ATG10: variants seen among roughly 807,000 people sequenced by gnomAD.
The protein encoded by ATG10 is ubiquitin-like-conjugating enzyme ATG10.
A neutral mutation model predicts 32.1 loss-of-function variants in ATG10; 30 were observed. The ratio of observed to expected loss-of-function variants is 0.94; its 90% CI spans 0.70 to 1.27. ATG10 has a LOEUF of 1.27. Among genes scored for constraint, ATG10 ranks in the 50% most tolerant of loss-of-function variants. The pLI, the probability that ATG10 is intolerant of heterozygous loss-of-function variation, is 0.00. For missense variants in ATG10, 233 were observed against 262.3 expected (o/e 0.89, Z 0.77); for synonymous variants, 87 against 91.5 (o/e 0.95, Z 0.28).
chr5:82,029,051 A>G (rs1035480038), intron 2 of ATG10, among the ~76,000 whole-genome samples: 16 of 152,356 alleles, frequency 1.1e-4, no homozygotes, highest in African/African-American at 3.1e-4. Flanking sequence ...TATGATTTCA[A>G]TTGTATTCAC....
chr5:82,184,114 C>G (rs1002283174), intron 5 of ATG10, among the ~76,000 whole-genome samples: 4 of 152,074 alleles, frequency 2.6e-5, no homozygotes, highest in African/African-American at 7.2e-5. Context: ...ATGGTAGTGC[C>G]TTTATCTAGG....
intron 2 of ATG10, among the ~76,000 whole-genome samples, chr5:82,023,707 C>G (rs1254700703): frequency 1.3e-5 from 2 of 152,078 alleles, no homozygotes; most frequent in East Asian, 1.9e-4. Context: ...CTAATAAAAC[C>G]CAGTTTTGCT....
At chr5:82,041,694 G>C (rs1209565327) in intron 2 of ATG10, among the ~76,000 whole-genome samples, 1 of 152,046 alleles carries the variant, frequency 6.6e-6, no homozygotes, top group Non-Finnish European at 1.5e-5. Context: ...AGAAATCTTT[G>C]ATGTGCTTAA....
At chr5:82,195,221 A>G (rs1744807723) in intron 5 of ATG10, among the ~76,000 whole-genome samples, 1 of 152,150 alleles carries the variant, frequency 6.6e-6, no homozygotes, top group Non-Finnish European at 1.5e-5. Context: ...TACTTGAAAA[A>G]AATTCCTCCT....
At chr5:82,106,496 A>T (rs1462413083) in intron 3 of ATG10, among the ~76,000 whole-genome samples, 1 of 152,014 alleles carries the variant, frequency 6.6e-6, no homozygotes, top group Non-Finnish European at 1.5e-5. Flanking sequence ...TGCCTTTTCC[A>T]CTTGCCTGTG....
At chr5:82,054,253 GT>G (rs371764043) in intron 2 of ATG10, among the ~76,000 whole-genome samples, 78 of 152,288 alleles carry the variant, frequency 5.1e-4, no homozygotes, top group African/African-American at 1.9e-3. Context: ...AATGTAGTCA[GT>G]TTGCTGTCTC....
rs1765324681 is a variant in ATG10, at chr5:82,102,823, C to T, written c.216+44221C>T. 2.6e-5 allele frequency among the ~76,000 whole-genome samples: 4 copies of T among 151,854 alleles called. No individual in the cohort carries two copies. The South Asian group carries it at 8.3e-4, about 32-fold the overall frequency. ...GCTTTGTGTAAACCACTGTTGGATC[C>T]TAGCTGGTTAATCCTCCTCTTCATT... is the stretch of plus-strand genomic sequence containing the variant. On this transcript the variant is annotated intron_variant, in intron 3 of 7. Coordinates refer to ENST00000282185, the MANE Select transcript of ATG10 (RefSeq NM_031482.5).
At chr5:82,247,372 T>C (rs1747080300) in intron 5 of ATG10, among the ~76,000 whole-genome samples, 1 of 152,194 alleles carries the variant, frequency 6.6e-6, no homozygotes, top group Admixed American at 6.5e-5. Context: ...ATTAATATAC[T>C]TTCAAATCCA....
intron 1 of ATG10, among the ~76,000 whole-genome samples, chr5:81,973,856 TGAA>T (rs1760799237): frequency 6.6e-6 from 1 of 152,244 alleles, no homozygotes; most frequent in Admixed American, 6.5e-5. Flanking sequence ...TATTTTAAAT[TGAA>T]GAAATTAGTG....
At chr5:81,992,919 T>A (rs1212391696) in intron 2 of ATG10, among the ~76,000 whole-genome samples, 1 of 152,228 alleles carries the variant, frequency 6.6e-6, no homozygotes, top group African/African-American at 2.4e-5. Flanking sequence ...AGAATAAGAA[T>A]ACTTTAAATC....
intron 3 of ATG10, among the ~76,000 whole-genome samples, chr5:82,146,313 A>G (rs1310652016): frequency 6.6e-6 from 1 of 151,838 alleles, no homozygotes; most frequent in Non-Finnish European, 1.5e-5. Context: ...GTTCCCCTAT[A>G]TTTAATATAT....
At chr5:82,113,131 T>C (rs142020697) in intron 3 of ATG10, among the ~76,000 whole-genome samples, 2 of 152,060 alleles carry the variant, frequency 1.3e-5, no homozygotes, top group Admixed American at 1.3e-4. Flanking sequence ...ACGCCGTTTG[T>C]TGACATATTG....
chr5:82,137,976 G>A (rs1004203186), intron 3 of ATG10, among the ~76,000 whole-genome samples: 1 of 152,202 alleles, frequency 6.6e-6, no homozygotes, highest in Non-Finnish European at 1.5e-5. Flanking sequence ...TTGCTGAGCT[G>A]TGGTGGGCTT....
intron 4 of ATG10, 44 bp downstream of exon 4, chr5:82,164,581 A>C: frequency 6.6e-7 from 1 of 1,518,412 alleles, no homozygotes; most frequent in Non-Finnish European, 9.0e-7. Flanking sequence ...TAACATTTAC[A>C]TATAAAGCAA....
chr5:82,031,856 TACCTCCAAATTGTGCTAAC>T (rs1469934300), intron 2 of ATG10, among the ~76,000 whole-genome samples: 1 of 152,270 alleles, frequency 6.6e-6, no homozygotes, highest in East Asian at 1.9e-4. Context: ...ATGCTACTTG[TACCTCCAAATTGTGCTAAC>T]TATTCTACCT....
chr5:82,214,670 G>A (rs1745608712), intron 5 of ATG10, among the ~76,000 whole-genome samples: 1 of 152,146 alleles, frequency 6.6e-6, no homozygotes, highest in Non-Finnish European at 1.5e-5. Flanking sequence ...CTTGCAGCAG[G>A]GAATAATTTT....
intron 5 of ATG10, among the ~76,000 whole-genome samples, chr5:82,238,046 A>G (rs1290198746): frequency 6.6e-6 from 1 of 152,176 alleles, no homozygotes; most frequent in Non-Finnish European, 1.5e-5. Flanking sequence ...CCCAGGGAAC[A>G]AGGTCTTTCC....
intron 5 of ATG10, among the ~76,000 whole-genome samples, chr5:82,251,556 G>A (rs1285285119): frequency 2.0e-5 from 3 of 152,302 alleles, no homozygotes; most frequent in South Asian, 4.1e-4. Context: ...AGCCAGCATG[G>A]CCTTGGATGG....
intron 3 of ATG10, chr5:82,147,506 AATGTTG>A (rs1347924494): frequency 1.3e-5 from 2 of 152,174 alleles, no homozygotes; most frequent in Admixed American, 1.3e-4. Context: ...AAAAAAAAAT[AATGTTG>A]ATGTTTTCAT....
Sources: allele counts gnomAD v4.1 joint callset (sites outside exome capture counted in the v4.1 genomes callset), GRCh38; gene constraint gnomAD v4.1.1; transcripts MANE v1.5; gene names NCBI Gene and HGNC (gene_info 2026-07-23, HGNC 2026-07-21).